The following GNB4 variants were observed in gnomAD, a reference collection of about 807,000 sequenced individuals.
The protein encoded by GNB4 is guanine nucleotide-binding protein subunit beta-4.
A neutral mutation model predicts 45.2 loss-of-function variants in GNB4; 28 were observed. That is an observed-to-expected ratio of 0.62 (90% CI 0.46 to 0.85). GNB4 has a LOEUF of 0.85. Among genes scored for constraint, GNB4 ranks in the 40% least tolerant of loss-of-function variants. GNB4 has a pLI of 0.00. For synonymous variants in GNB4, 132 were observed against 143.7 expected (o/e 0.92, Z 0.58); for missense variants, 321 against 425.4 (o/e 0.75, Z 2.16).
At chr3:179,409,833 CAAAAA>C (rs1238640935) in intron 8 of GNB4, among the ~76,000 whole-genome samples, 1 of 60,492 alleles carries the variant, frequency 1.7e-5, no homozygotes, top group African/African-American at 4.4e-5. Flanking sequence ...AAAAACAAAA[CAAAAA>C]AAAAACTAGA....
intron 8 of GNB4, among the ~76,000 whole-genome samples, chr3:179,411,176 G>A (rs1357462788): frequency 6.6e-6 from 1 of 152,012 alleles, no homozygotes. Context: ...CAAATATAGA[G>A]CCAAATGGAA....
the GNB4 span, among the ~76,000 whole-genome samples, chr3:179,477,568 T>C: frequency 6.6e-6 from 1 of 152,150 alleles, no homozygotes; most frequent in Admixed American, 6.5e-5. Flanking sequence ...CACTCTCTTA[T>C]CACAACCACT....
chr3:179,414,090 G>C (rs1185556212), intron 6 of GNB4, among the ~76,000 whole-genome samples: 1 of 152,124 alleles, frequency 6.6e-6, no homozygotes, highest in African/African-American at 2.4e-5. Flanking sequence ...ATAATCTATG[G>C]CCGACTGTGT....
At chr3:179,423,282 G>C (rs1041030625) in intron 2 of GNB4, among the ~76,000 whole-genome samples, 1 of 152,146 alleles carries the variant, frequency 6.6e-6, no homozygotes, top group African/African-American at 2.4e-5. Context: ...ACAAACAGTA[G>C]GGGCAAATAT....
At chr3:179,492,518 A>C in the GNB4 span, among the ~76,000 whole-genome samples, 1 of 152,064 alleles carries the variant, frequency 6.6e-6, no homozygotes, top group Non-Finnish European at 1.5e-5. Flanking sequence ...CTGAGTTGCC[A>C]CTGTGTCACA....
chr3:179,465,429 C>T, the GNB4 span: 14 of 444,026 alleles, frequency 3.2e-5, no homozygotes, highest in East Asian at 1.4e-4. Context: ...TGGTGAAACC[C>T]CCGTCTCTAC....
the GNB4 span, among the ~76,000 whole-genome samples, chr3:179,473,445 T>A: frequency 1.3e-5 from 2 of 151,818 alleles, no homozygotes; most frequent in African/African-American, 4.8e-5. Context: ...TTTATTTAAT[T>A]TTTTTTTAGA....
At chr3:179,452,788 GA>G (rs1451062875), upstream of GNB4, among the ~76,000 whole-genome samples, 3 of 152,124 alleles carry the variant, frequency 2.0e-5, no homozygotes, top group Non-Finnish European at 2.9e-5. Flanking sequence ...TAAGAAGAAA[GA>G]AATGCCAAAT....
chr3:179,503,073 A>G, the GNB4 span, among the ~76,000 whole-genome samples: 1 of 152,202 alleles, frequency 6.6e-6, no homozygotes, highest in Non-Finnish European at 1.5e-5. Context: ...TCCTCAAGTG[A>G]TCCTCCCACC....
At chr3:179,502,078 G>C in the GNB4 span, among the ~76,000 whole-genome samples, 2 of 152,080 alleles carry the variant, frequency 1.3e-5, no homozygotes, top group African/African-American at 4.8e-5. Context: ...AAGTTAAAGA[G>C]AACTGGTATT....
chr3:179,473,382 T>C, the GNB4 span, among the ~76,000 whole-genome samples: 73 of 152,250 alleles, frequency 4.8e-4, 1 homozygote, highest in African/African-American at 1.6e-3. Context: ...TTCACCCAAT[T>C]TCCTCCTGAA....
the GNB4 span, among the ~76,000 whole-genome samples, chr3:179,494,299 GAGGA>G: frequency 1.2e-4 from 18 of 151,186 alleles, no homozygotes; most frequent in Admixed American, 3.3e-4. Context: ...AAGAAAGAGA[GAGGA>G]AGGAAGGAAG....
intron 2 of GNB4, among the ~76,000 whole-genome samples, chr3:179,422,802 A>AT (rs1215700092): frequency 1.3e-5 from 2 of 151,918 alleles, no homozygotes; most frequent in African/African-American, 4.8e-5. Context: ...GGAAGGAAAG[A>AT]TTTTTTTTGA....
the GNB4 span, among the ~76,000 whole-genome samples, chr3:179,508,152 T>G: frequency 6.6e-6 from 1 of 152,218 alleles, no homozygotes; most frequent in East Asian, 1.9e-4. Context: ...TTTTATTTTT[T>G]ATTAACTTTT....
chr3:179,447,397 C>A lies in GNB4; in HGVS notation c.-43+3949G>T, dbSNP rs116441555. ...ATTTTTTTTCAGATGGGGTCTCACT[C>A]TATTGCCCAGGCACAAACATGGCTC... On this transcript the variant is annotated intron_variant, in intron 1 of 9. Coordinates refer to ENST00000232564, the MANE Select transcript of GNB4 (RefSeq NM_021629.4). 1.2e-4 allele frequency among the ~76,000 whole-genome samples: 18 copies of A among 150,680 alleles called. No individual in the cohort carries two copies. In the East Asian group the frequency reaches 1.6e-3, roughly 13 times the overall value.
intron 1 of GNB4, among the ~76,000 whole-genome samples, chr3:179,434,655 AG>A (rs1715397424): frequency 6.6e-6 from 1 of 151,822 alleles, no homozygotes; most frequent in African/African-American, 2.4e-5. Flanking sequence ...TCGGAGGCAG[AG>A]GTTGCAGTGA....
At chr3:179,495,406 G>A in the GNB4 span, among the ~76,000 whole-genome samples, 1 of 152,014 alleles carries the variant, frequency 6.6e-6, no homozygotes, top group Non-Finnish European at 1.5e-5. Flanking sequence ...GAGCCAGGAG[G>A]CAGAGGTTGC....
At chr3:179,501,764 C>T in the GNB4 span, among the ~76,000 whole-genome samples, 1 of 152,154 alleles carries the variant, frequency 6.6e-6, no homozygotes, top group African/African-American at 2.4e-5. Flanking sequence ...TTGATATCAC[C>T]CTTGAGTTAT....
At chr3:179,422,246 T>C (rs1715002630) in intron 2 of GNB4, among the ~76,000 whole-genome samples, 1 of 152,190 alleles carries the variant, frequency 6.6e-6, no homozygotes, top group South Asian at 2.1e-4. Flanking sequence ...ACAAATATGT[T>C]AGCAGCAGTT....
Sources: gnomAD v4.1 joint callset for allele counts (sites outside exome capture counted in the v4.1 genomes callset) on GRCh38, gnomAD v4.1.1 for gene constraint, MANE v1.5 for transcripts, NCBI Gene and HGNC (gene_info 2026-07-23, HGNC 2026-07-21) for gene names.